Variants in SEL1L3 observed in about 807,000 individuals in gnomAD.
SEL1L3 encodes protein sel-1 homolog 3.
A neutral mutation model predicts 142.8 loss-of-function variants in SEL1L3; 76 were observed. The ratio of observed to expected loss-of-function variants is 0.53; its 90% CI spans 0.44 to 0.64. SEL1L3 has a LOEUF of 0.64. SEL1L3 is among the 30% of genes least tolerant of loss of function. The pLI is 0.00. For missense variants in SEL1L3, 1,262 were observed against 1,381.7 expected, an observed-to-expected ratio of 0.91 and a Z score of 1.37; for synonymous variants, 504 against 519.6, an observed-to-expected ratio of 0.97 and a Z score of 0.41.
intron 9 of SEL1L3, among the ~76,000 whole-genome samples, chr4:25,817,318 C>A (rs1433392480): frequency 2.0e-5 from 3 of 152,188 alleles, no homozygotes; most frequent in Admixed American, 2.0e-4. Context: ...CCCAGGACTA[C>A]GTGGAGTTGC....
rs1485053141 is a variant in SEL1L3 at position 25,835,222 on chromosome 4, G to A, written c.835C>T (p.Arg279Ter). 8 of 1,613,818 alleles carry A rather than the reference G, an allele frequency of 5.0e-6. No individual in the cohort carries two copies. Among genetic ancestry groups the A allele is most frequent in the African/African-American group, 2.7e-5 (2 of 74,890 alleles). ...ACTGGGTAATCCATCCTCTGGCGTC[G>A]AGTGGCCTCCAGCTCTCGGTTCCGA... Reference protein sequence around the residue: ...RFRNRELEATRRQRMDYPVFT... With the variant: ...RFRNRELEAT Residue 279 changes from arginine (R) to a stop codon, truncating the protein, a stop_gained, in exon 3 of 24, where the codon CGA (arginine) becomes TGA (stop). Coordinates refer to ENST00000399878, the MANE Select transcript of SEL1L3 (RefSeq NM_015187.5). LOFTEE classifies it high-confidence loss of function.
At chr4:25,826,020 C>A (rs1715074655) in intron 6 of SEL1L3, among the ~76,000 whole-genome samples, 1 of 152,094 alleles carries the variant, frequency 6.6e-6, no homozygotes, top group African/African-American at 2.4e-5. Context: ...CTACCTTATC[C>A]ATTTCTTTCC....
chr4:25,833,654 G>A (rs2109285293), intron 3 of SEL1L3, 85 bp from the exon 4 acceptor site: 2 of 1,243,202 alleles, frequency 1.6e-6, no homozygotes, highest in South Asian at 1.6e-5. Flanking sequence ...CAAGTAAATT[G>A]CTTTCTTTCC....
chr4:25,761,928 T>C (rs1176800967), intron 20 of SEL1L3, among the ~76,000 whole-genome samples: 3 of 152,216 alleles, frequency 2.0e-5, no homozygotes, highest in Non-Finnish European at 2.9e-5. Context: ...TATCATGTAG[T>C]CATAAAACCA....
chr4:25,746,531 A>AATATATATATATTTAT (rs376998677), downstream of SEL1L3, among the ~76,000 whole-genome samples: 1 of 119,682 alleles, frequency 8.4e-6, no homozygotes, highest in African/African-American at 3.7e-5. Flanking sequence ...TATATATTTA[A>AATATATATATATTTAT]ATATATATAT....
intron 9 of SEL1L3, among the ~76,000 whole-genome samples, chr4:25,814,683 G>A (rs1714259693): frequency 6.6e-6 from 1 of 152,174 alleles, no homozygotes; most frequent in South Asian, 2.1e-4. Flanking sequence ...GAGGAACTGG[G>A]AACGGCGATA....
intron 2 of SEL1L3, among the ~76,000 whole-genome samples, chr4:25,840,874 G>A (rs960908580): frequency 2.0e-5 from 3 of 152,180 alleles, no homozygotes; most frequent in Non-Finnish European, 4.4e-5. Context: ...ACACAAGCTA[G>A]CCTGTGAGAT....
chr4:25,842,790 G>A (rs1054002984), intron 2 of SEL1L3, among the ~76,000 whole-genome samples: 2 of 152,252 alleles, frequency 1.3e-5, no homozygotes, highest in South Asian at 2.1e-4. Context: ...AAGTCCCCTG[G>A]CCTCATGGAG....
chr4:25,783,226 C>A (rs1711552328), intron 14 of SEL1L3, among the ~76,000 whole-genome samples: 1 of 152,212 alleles, frequency 6.6e-6, no homozygotes, highest in Admixed American at 6.5e-5. Context: ...TACTTTTCTA[C>A]TTCTGCCCTA....
At chr4:25,761,668 A>T (rs1718387682) in intron 20 of SEL1L3, among the ~76,000 whole-genome samples, 1 of 152,276 alleles carries the variant, frequency 6.6e-6, no homozygotes, top group African/African-American at 2.4e-5. Context: ...TACAGAATTT[A>T]CAAAAAAGAA....
At position 25,788,372 on chromosome 4, in the gene SEL1L3, A is replaced by T; in HGVS notation, c.2077-8T>A. 1 of 1,613,592 alleles carries T rather than the reference A, an allele frequency of 6.2e-7. No homozygotes were observed. Among genetic ancestry groups the T allele is most frequent in the Non-Finnish European group, 8.5e-7 (1 of 1,179,764 alleles). On this transcript the variant is annotated splice_polypyrimidine_tract_variant and splice_region_variant and intron_variant, in intron 12 of 23. Coordinates refer to ENST00000399878, the MANE Select transcript of SEL1L3 (RefSeq NM_015187.5). This position sits in a 1 kb window ranked among gnomAD's most constrained non-coding sequence, Gnocchi z 5.3. ...CATCTGGGCCAATCGTTGCTTAAAG[A>T]TAATAGCAATTTAGAACAATGACTT...
Position 25,847,716 on chromosome 4 carries a change from AAATACTCAACCGAG to A in SEL1L3, c.297_310del (p.Ser100MetfsTer16). The A allele has an allele frequency of 6.2e-7, 1 of 1,614,014 alleles. No homozygotes were observed. The highest frequency in any genetic ancestry group is 8.5e-7 in the Non-Finnish European group (1 of 1,179,892). On this transcript the variant is annotated frameshift_variant, in exon 2 of 24. Coordinates refer to ENST00000399878, the MANE Select transcript of SEL1L3 (RefSeq NM_015187.5). LOFTEE classifies it high-confidence loss of function. The stretch of plus-strand genomic sequence containing the variant: ...ATTGACAACACAAGGCTGAGAGCAT[AAATACTCAACCGAG>A]ACTTCAGAAACGTTGCGAACGTTTC...
the SEL1L3 span, among the ~76,000 whole-genome samples, chr4:25,722,273 C>T: frequency 6.6e-6 from 1 of 152,172 alleles, no homozygotes; most frequent in African/African-American, 2.4e-5. Flanking sequence ...AAGAGTCTCT[C>T]TTCTCTTGGT....
intron 16 of SEL1L3, among the ~76,000 whole-genome samples, 154 bp downstream of exon 16, chr4:25,778,922 A>G (rs181100355): frequency 7.2e-4 from 109 of 152,318 alleles, no homozygotes; most frequent in Non-Finnish European, 6.9e-4. Context: ...TTTTTAATTA[A>G]AAGTTTTAAT....
the SEL1L3 span, among the ~76,000 whole-genome samples, chr4:25,723,042 G>A: frequency 1.3e-5 from 2 of 152,162 alleles, no homozygotes; most frequent in Admixed American, 1.3e-4. Context: ...GGCAAGAACA[G>A]TCCTTAATGT....
chr4:25,728,746 G>A, the SEL1L3 span, among the ~76,000 whole-genome samples: 1 of 151,818 alleles, frequency 6.6e-6, no homozygotes, highest in East Asian at 1.9e-4. Context: ...GGGCAACATG[G>A]CAAAACCCCG....
chr4:25,840,225 A>G (rs1328387720), intron 2 of SEL1L3, among the ~76,000 whole-genome samples: 6 of 152,176 alleles, frequency 3.9e-5, no homozygotes, highest in African/African-American at 1.2e-4. Flanking sequence ...CATAAAGGGG[A>G]ATGTAGATGC....
chr4:25,740,549 C>T, the SEL1L3 span, among the ~76,000 whole-genome samples: 1 of 152,162 alleles, frequency 6.6e-6, no homozygotes, highest in Non-Finnish European at 1.5e-5. Context: ...CAGGCTGCTC[C>T]AGCTTGCTCT....
chr4:25,746,727 T>C (rs1399873860), downstream of SEL1L3, among the ~76,000 whole-genome samples: 2 of 151,760 alleles, frequency 1.3e-5, no homozygotes, highest in Non-Finnish European at 2.9e-5. Flanking sequence ...GATTGAAAGT[T>C]TCCTGAGACC....
Sources: gnomAD v4.1 joint callset for allele counts (sites outside exome capture counted in the v4.1 genomes callset) on GRCh38, gnomAD v4.1.1 for gene constraint, Gnocchi (gnomAD v3.1) non-coding constraint, MANE v1.5 for transcripts, NCBI Gene and HGNC (gene_info 2026-07-23, HGNC 2026-07-21) for gene names.